Variants in MBTD1 observed in about 807,000 individuals in gnomAD.
MBTD1 encodes MBT domain-containing protein 1.
Under a neutral mutation model 87.8 loss-of-function variants are expected in MBTD1, and 24 were observed. That is an observed-to-expected ratio of 0.27 (90% CI 0.20 to 0.38). The LOEUF (loss-of-function observed/expected upper bound fraction) is 0.38. Ranked by LOEUF, MBTD1 falls within the 10% of genes least tolerant of loss-of-function variation. The pLI is 1.00. For synonymous variants in MBTD1, 237 were observed against 248.6 expected (o/e 0.95, Z 0.44); for missense variants, 436 against 760.2 (o/e 0.57, Z 5.02).
chr17:51,202,942 A>C lies in MBTD1; in HGVS notation c.829-7T>G, dbSNP rs1348397106. 1.2e-6 allele frequency: 2 copies of C among 1,602,480 alleles called. No homozygotes were observed. The highest frequency in any genetic ancestry group is 2.7e-5 in the African/African-American group (2 of 74,614). On this transcript the variant is annotated splice_polypyrimidine_tract_variant and splice_region_variant and intron_variant, in intron 9 of 16. Coordinates refer to ENST00000586178, the MANE Select transcript of MBTD1 (RefSeq NM_017643.3). ...ACTGCATACTCTCTGAAACCTTAAA[A>C]GCATACAAAAAAAACTGCTCGAAAT...
chr17:51,221,061 G>A (rs986807822), intron 3 of MBTD1, among the ~76,000 whole-genome samples: 9 of 152,194 alleles, frequency 5.9e-5, no homozygotes, highest in African/African-American at 4.8e-5. Flanking sequence ...GGGAGGCCGA[G>A]GCAGGAGAAC....
At chr17:51,259,719 G>T in intron 1 of MBTD1, 116 bp downstream of exon 1, 2 of 987,476 alleles carry the variant, frequency 2.0e-6, no homozygotes, top group Non-Finnish European at 2.6e-6. Flanking sequence ...AGAGGGCGTG[G>T]GATGGAGAAG....
chr17:51,209,430 C>T (rs1282400976), intron 6 of MBTD1: 1 of 471,190 alleles, frequency 2.1e-6, no homozygotes, highest in East Asian at 6.9e-5. Context: ...ACTCTCCTTC[C>T]CTGCAAGGTA....
At chr17:51,249,822 G>A (rs1197432058) in intron 2 of MBTD1, 2 of 151,744 alleles carry the variant, frequency 1.3e-5, no homozygotes, top group Non-Finnish European at 2.9e-5. Flanking sequence ...TTTCTATTTG[G>A]TCTTTCAGTT....
intron 2 of MBTD1, among the ~76,000 whole-genome samples, chr17:51,258,060 G>C (rs374368515): frequency 6.6e-6 from 1 of 150,926 alleles, no homozygotes; most frequent in African/African-American, 2.4e-5. Context: ...CTGGTGTTGA[G>C]GTAAACAAAT....
chr17:51,259,532 C>T (rs563490592), intron 1 of MBTD1, among the ~76,000 whole-genome samples: 31 of 152,260 alleles, frequency 2.0e-4, no homozygotes, highest in African/African-American at 6.7e-4. Flanking sequence ...GCCTTTCCCC[C>T]CTAGCCAGAG....
intron 2 of MBTD1, among the ~76,000 whole-genome samples, chr17:51,235,052 T>C (rs553738420): frequency 6.6e-6 from 1 of 152,198 alleles, no homozygotes; most frequent in Non-Finnish European, 1.5e-5. Flanking sequence ...AAACTCATTC[T>C]ACTAGGCCAG....
intron 6 of MBTD1, among the ~76,000 whole-genome samples, chr17:51,209,087 G>A (rs1265174677): frequency 6.6e-6 from 1 of 152,228 alleles, no homozygotes; most frequent in African/African-American, 2.4e-5. Context: ...TCATAGCATA[G>A]TATGTGCTCA....
intron 2 of MBTD1, among the ~76,000 whole-genome samples, chr17:51,238,961 G>A (rs1250552078): frequency 3.9e-5 from 6 of 152,088 alleles, no homozygotes; most frequent in South Asian, 2.1e-4. Context: ...TTAACTGGGT[G>A]TGGTAATGTG....
chr17:51,227,279 G>C (rs1226616913), intron 2 of MBTD1, among the ~76,000 whole-genome samples: 1 of 151,306 alleles, frequency 6.6e-6, no homozygotes, highest in Non-Finnish European at 1.5e-5. Flanking sequence ...TTGCTTTGCT[G>C]GCTGGGCATG....
At chr17:51,192,345 T>C (rs2050853985) in intron 15 of MBTD1, 65 bp from the exon 16 acceptor site, 4 of 1,109,868 alleles carry the variant, frequency 3.6e-6, no homozygotes, top group South Asian at 1.4e-5. Flanking sequence ...TACAGTTGTC[T>C]AGATACAACT....
chr17:51,225,325 A>C (rs2053147732), intron 2 of MBTD1, 116 bp from the exon 3 acceptor site: 2 of 480,310 alleles, frequency 4.2e-6, no homozygotes, highest in Non-Finnish European at 7.0e-6. Context: ...AGCCCTGAGA[A>C]ATAACCATTT....
At chr17:51,254,546 A>G (rs2054972611) in intron 2 of MBTD1, among the ~76,000 whole-genome samples, 2 of 152,222 alleles carry the variant, frequency 1.3e-5, no homozygotes, top group Admixed American at 1.3e-4. Flanking sequence ...ATATTTTAAG[A>G]TTTAAAGCAA....
chr17:51,252,344 T>A (rs1275816626), intron 2 of MBTD1, among the ~76,000 whole-genome samples: 10 of 152,288 alleles, frequency 6.6e-5, no homozygotes, highest in African/African-American at 2.4e-4. Flanking sequence ...CAATACTGGT[T>A]CTGTCAGCTA....
At position 51,185,188 on chromosome 17, in the gene MBTD1, C is replaced by G. The variant is rs918698146; in HGVS notation, c.1769-4494G>C. The G allele has an allele frequency of 9.9e-5, 15 of 152,150 alleles. 1 individual carries two copies. The highest frequency in any genetic ancestry group is 3.4e-4 in the African/African-American group (14 of 41,430). The allele number at this position is 152,150 out of a possible 1,614,324, so 9.4% of individuals were successfully genotyped here. ...AAGTCTCATCTAGGTTTTCAACATA[C>G]AAGACATTTTAAAGAATGCTCATTA... is the stretch of plus-strand genomic sequence containing the variant. On this transcript the variant is annotated intron_variant, in intron 16 of 16. Transcript: ENST00000586178.
At chr17:51,231,401 A>G (rs2053542898) in intron 2 of MBTD1, among the ~76,000 whole-genome samples, 1 of 151,954 alleles carries the variant, frequency 6.6e-6, no homozygotes, top group Admixed American at 6.6e-5. Context: ...GAGGTCAATG[A>G]CTACAGATAT....
intron 6 of MBTD1, among the ~76,000 whole-genome samples, chr17:51,207,550 A>G (rs1279263454): frequency 1.3e-5 from 2 of 152,192 alleles, no homozygotes; most frequent in Non-Finnish European, 1.5e-5. Context: ...AAGAAGGTGG[A>G]GTTGAAGAGT....
intron 2 of MBTD1, among the ~76,000 whole-genome samples, chr17:51,240,471 G>C (rs763922520): frequency 1.7e-4 from 26 of 152,048 alleles, no homozygotes; most frequent in Non-Finnish European, 2.9e-4. Flanking sequence ...GAGGAATCTT[G>C]GTCAGATATT....
At position 51,180,830 on chromosome 17, in the gene MBTD1, T is replaced by C. The variant is rs2050272694; in HGVS notation, c.1769-136A>G. 1.1e-5 allele frequency: 7 copies of C among 655,026 alleles called. No individual in the cohort carries two copies. In the East Asian group the frequency reaches 1.4e-4, roughly 13 times the overall value. The allele number at this position is 655,026 out of a possible 1,614,324, so 40.6% of individuals were successfully genotyped here. Reference sequence around the variant, plus strand: ...TTCAGTTAATTTTAATTTTCCAGTATATTAGCAGTTAAGAAACATTCTGGA... The same window carrying C: ...TTCAGTTAATTTTAATTTTCCAGTACATTAGCAGTTAAGAAACATTCTGGA... On this transcript the variant is annotated intron_variant, in intron 16 of 16. Coordinates refer to ENST00000586178, the MANE Select transcript of MBTD1 (RefSeq NM_017643.3).
Sources: allele counts gnomAD v4.1 joint callset (sites outside exome capture counted in the v4.1 genomes callset), GRCh38; gene constraint gnomAD v4.1.1; transcripts MANE v1.5; gene names NCBI Gene and HGNC (gene_info 2026-07-23, HGNC 2026-07-21).